NFIB: variants seen among roughly 807,000 people sequenced by gnomAD.
NFIB encodes nuclear factor I B.
Under a neutral mutation model 61.5 loss-of-function variants are expected in NFIB, and 11 were observed. The ratio of observed to expected loss-of-function variants is 0.18; its 90% CI spans 0.11 to 0.30. The LOEUF (loss-of-function observed/expected upper bound fraction) is 0.30, where lower values mean the gene tolerates loss of function less well. Among genes scored for constraint, NFIB ranks in the 10% least tolerant of loss-of-function variants. NFIB has a pLI of 1.00. For synonymous variants in NFIB, 260 were observed against 216.5 expected (o/e 1.20, Z -1.76); for missense variants, 471 against 608.9 (o/e 0.77, Z 2.38).
intron 2 of NFIB, among the ~76,000 whole-genome samples, chr9:14,295,423 G>A (rs12350015): frequency 0.014 from 2,124 of 152,154 alleles, 61 homozygotes; most frequent in African/African-American, 0.048. Flanking sequence ...TCAGGAGATG[G>A]AGATCATCCT....
chr9:14,285,583 A>G (rs1313955628), intron 2 of NFIB, among the ~76,000 whole-genome samples: 1 of 152,198 alleles, frequency 6.6e-6, no homozygotes, highest in Admixed American at 6.5e-5. Context: ...GTCCAGCGAT[A>G]ACTGCATGGA....
At chr9:14,236,437 T>A (rs2053751828) in intron 2 of NFIB, among the ~76,000 whole-genome samples, 1 of 152,206 alleles carries the variant, frequency 6.6e-6, no homozygotes, top group Non-Finnish European at 1.5e-5. Context: ...CATAAAACTC[T>A]ACCACAAATG....
At chr9:14,183,989 G>A (rs1449809976) in intron 2 of NFIB, among the ~76,000 whole-genome samples, 1 of 152,078 alleles carries the variant, frequency 6.6e-6, no homozygotes, top group Non-Finnish European at 1.5e-5. Flanking sequence ...GATTCTCCAG[G>A]AACAAGAAAA....
the NFIB span, among the ~76,000 whole-genome samples, chr9:14,423,667 G>T: frequency 6.6e-6 from 1 of 152,062 alleles, no homozygotes; most frequent in Non-Finnish European, 1.5e-5. Context: ...TTTTCCTTAG[G>T]TAATGCCCCT....
At chr9:14,246,926 G>A (rs1212010229) in intron 2 of NFIB, among the ~76,000 whole-genome samples, 1 of 152,168 alleles carries the variant, frequency 6.6e-6, no homozygotes, top group African/African-American at 2.4e-5. Flanking sequence ...GTTAAAACGG[G>A]TTTAGTATCC....
the NFIB span, among the ~76,000 whole-genome samples, chr9:14,409,228 C>T: frequency 1.3e-5 from 2 of 152,080 alleles, no homozygotes; most frequent in Non-Finnish European, 2.9e-5. Flanking sequence ...GCTTGCTTTT[C>T]ATATAATTTA....
At chr9:14,529,735 G>T in the NFIB span, among the ~76,000 whole-genome samples, 1 of 152,146 alleles carries the variant, frequency 6.6e-6, no homozygotes, top group African/African-American at 2.4e-5. Context: ...TATTAAAACA[G>T]AATGGTCCCA....
intron 2 of NFIB, among the ~76,000 whole-genome samples, chr9:14,259,056 A>G (rs879913550): frequency 2.6e-5 from 4 of 152,362 alleles, no homozygotes; most frequent in Admixed American, 2.6e-4. Flanking sequence ...GTTTTGCCTT[A>G]GGACAAATCT....
At chr9:14,173,038 G>A (rs954156991) in intron 3 of NFIB, among the ~76,000 whole-genome samples, 2 of 152,174 alleles carry the variant, frequency 1.3e-5, no homozygotes, top group Non-Finnish European at 2.9e-5. Flanking sequence ...AAAGTGCTGG[G>A]ATTACAATTC....
chr9:14,455,047 T>A, the NFIB span, among the ~76,000 whole-genome samples: 1 of 151,982 alleles, frequency 6.6e-6, no homozygotes, highest in African/African-American at 2.4e-5. Context: ...TGATTGGGGG[T>A]TATTTGTTAC....
the NFIB span, among the ~76,000 whole-genome samples, chr9:14,471,836 A>T: frequency 6.6e-6 from 1 of 152,192 alleles, no homozygotes; most frequent in South Asian, 2.1e-4. Flanking sequence ...GCTGTTTCCC[A>T]GTTGGGACAA....
chr9:14,362,886 GCT>G lies in NFIB; in HGVS notation c.108+35636_108+35637del, dbSNP rs1260236706. 4 of 152,030 alleles carry G rather than the reference GCT, an allele frequency of 2.6e-5. No individual in the cohort carries two copies. In the East Asian group the frequency reaches 5.8e-4, roughly 22 times the overall value. 9.4% of individuals were successfully genotyped at this position (152,030 alleles called of 1,614,324 possible). A position where few individuals can be genotyped will look rare whatever the true frequency, so the allele number is the denominator to read the frequency against. ...ACTCCAGTCTGCTTGACAGAGTGAGGCTCTGTTTCCAAAACACAAAAACAAAC... is the reference window on the plus strand; with the variant it reads ...ACTCCAGTCTGCTTGACAGAGTGAGGCTGTTTCCAAAACACAAAAACAAAC... On this transcript the variant is annotated intron_variant, in intron 1 of 8. Coordinates refer to the NFIB transcript ENST00000380934.
At chr9:14,219,969 A>G (rs1411524708) in intron 2 of NFIB, among the ~76,000 whole-genome samples, 2 of 152,204 alleles carry the variant, frequency 1.3e-5, no homozygotes, top group African/African-American at 4.8e-5. Flanking sequence ...GGATGGAACT[A>G]CACCAAAAAA....
chr9:14,184,930 T>C (rs567090900), intron 2 of NFIB, among the ~76,000 whole-genome samples: 38 of 151,800 alleles, frequency 2.5e-4, no homozygotes, highest in Non-Finnish European at 5.2e-4. Context: ...GGCTGAGACA[T>C]GAGAATCACT....
rs1353124653 is a variant in NFIB at position 14,147,663 on chromosome 9, T to G, written c.807-856A>C. Reference sequence around the variant, plus strand: ...TTTTTTTTTTTTTTTTTTTTGAGACTGGGTCTCACTCTTTCACCTACGATG... The same window carrying G: ...TTTTTTTTTTTTTTTTTTTTGAGACGGGGTCTCACTCTTTCACCTACGATG... On this transcript the variant is annotated intron_variant, in intron 5 of 10. Coordinates refer to ENST00000380953, the MANE Select transcript of NFIB (RefSeq NM_001190737.2). Among the ~76,000 whole-genome samples, 337 of 115,608 alleles carry G rather than the reference T, an allele frequency of 2.9e-3. 2 individuals are homozygous for G. The highest frequency in any genetic ancestry group is 0.011 in the African/African-American group (313 of 29,462). 75.8% of individuals were successfully genotyped at this position (115,608 alleles called of 152,430 possible).
chr9:14,138,427 G>A lies in NFIB; in HGVS notation c.925+8262C>T, dbSNP rs560980663. The stretch of plus-strand genomic sequence containing the variant: ...CAAATATAATCTATGGACTAAATTT[G>A]AGTCCTGATTCAAACAAGACAACCT... On this transcript the variant is annotated intron_variant, in intron 6 of 10. Transcript: ENST00000380953. Among the ~76,000 whole-genome samples, 5 of 152,162 alleles carry A rather than the reference G, an allele frequency of 3.3e-5. No individual in the cohort carries two copies. In the South Asian group the frequency reaches 8.3e-4, roughly 25 times the overall value.
the NFIB span, among the ~76,000 whole-genome samples, chr9:14,446,110 C>T: frequency 1.3e-5 from 2 of 152,172 alleles, no homozygotes; most frequent in Non-Finnish European, 2.9e-5. Context: ...CTGATGCTCA[C>T]CCGAAGAACG....
At chr9:14,285,606 C>CT (rs1272584082) in intron 2 of NFIB, among the ~76,000 whole-genome samples, 1 of 152,194 alleles carries the variant, frequency 6.6e-6, no homozygotes, top group Non-Finnish European at 1.5e-5. Context: ...AAAATTCTGA[C>CT]TCTGTCACTT....
chr9:14,087,555 G>GT lies in NFIB; in HGVS notation c.*753dup, dbSNP rs930343847. ...TCCATAGAGCCTTTGTGTTCAAACTGTTTTTTTCCTTTTTTCTTTTTTTCC... is the reference window on the plus strand; with the variant it reads ...TCCATAGAGCCTTTGTGTTCAAACTGTTTTTTTTCCTTTTTTCTTTTTTTCC... On this transcript the variant is annotated 3_prime_UTR_variant, in exon 11 of 11. Transcript: ENST00000380953. 3 of 223,968 alleles carry GT rather than the reference G, an allele frequency of 1.3e-5. No individual in the cohort carries two copies. The highest frequency in any genetic ancestry group is 2.3e-5 in the African/African-American group (1 of 44,214). 13.9% of individuals were successfully genotyped at this position (223,968 alleles called of 1,614,324 possible).
Sources: allele counts gnomAD v4.1 joint callset (sites outside exome capture counted in the v4.1 genomes callset), GRCh38; gene constraint gnomAD v4.1.1; transcripts MANE v1.5; gene names NCBI Gene and HGNC (gene_info 2026-07-23, HGNC 2026-07-21).